BTD: variants seen among roughly 807,000 people sequenced by gnomAD.
BTD encodes the protein biotinidase, also known as biocytinase.
A neutral mutation model predicts 17.7 loss-of-function variants in BTD; 13 were observed. The observed-to-expected ratio is 0.74, with a 90% CI of 0.48 to 1.17. BTD has a LOEUF of 1.17. BTD is among the 50% of genes most tolerant of loss of function. The pLI, the probability that BTD is intolerant of heterozygous loss-of-function variation, is 0.00. For synonymous variants in BTD, 240 were observed against 245.2 expected, an observed-to-expected ratio of 0.98 and a Z score of 0.20; for missense variants, 674 against 650.4, an observed-to-expected ratio of 1.04 and a Z score of -0.39.
At chr3:15,717,838 A>C (rs988892627) in intron 4 of BTD, among the ~76,000 whole-genome samples, 5 of 152,214 alleles carry the variant, frequency 3.3e-5, no homozygotes, top group African/African-American at 4.8e-5. Flanking sequence ...ACCACTTTGC[A>C]GGAAAATGAA....
At chr3:15,630,605 A>G (rs1281628742) in intron 1 of BTD, among the ~76,000 whole-genome samples, 1 of 152,230 alleles carries the variant, frequency 6.6e-6, no homozygotes, top group Non-Finnish European at 1.5e-5. Flanking sequence ...TAGCCAATGG[A>G]GCAGAAACTG....
chr3:15,666,409 C>CCCT (rs35355185), intron 3 of BTD, among the ~76,000 whole-genome samples: 2 of 5,902 alleles, frequency 3.4e-4, no homozygotes, highest in Admixed American at 2.1e-3. Flanking sequence ...TCATCTCCCC[C>CCCT]TTTCCTCATC....
chr3:15,663,235 C>A (rs1325931081), intron 3 of BTD, among the ~76,000 whole-genome samples: 1 of 152,180 alleles, frequency 6.6e-6, no homozygotes, highest in East Asian at 1.9e-4. Flanking sequence ...CTCAGGTGAT[C>A]CGCCCGCCTC....
At chr3:15,720,856 T>C (rs373555708) in intron 4 of BTD, 116 of 1,462,790 alleles carry the variant, frequency 7.9e-5, no homozygotes, top group African/African-American at 3.8e-4. Flanking sequence ...GTATTCACCA[T>C]TGATGTTGTT....
At chr3:15,616,846 AT>A (rs1023758109) in intron 1 of BTD, among the ~76,000 whole-genome samples, 5 of 149,714 alleles carry the variant, frequency 3.3e-5, no homozygotes, top group African/African-American at 2.5e-5. Context: ...TTATTTATGT[AT>A]TTTTTTTTCG....
intron 3 of BTD, chr3:15,690,201 T>C: frequency 6.2e-7 from 1 of 1,603,202 alleles, no homozygotes; most frequent in Non-Finnish European, 8.5e-7. Flanking sequence ...TTCCAGTGCT[T>C]GATGGTGACC....
At chr3:15,718,562 T>A (rs2073340373) in intron 4 of BTD, among the ~76,000 whole-genome samples, 1 of 152,188 alleles carries the variant, frequency 6.6e-6, no homozygotes, top group Non-Finnish European at 1.5e-5. Flanking sequence ...GTCACCTAAG[T>A]AGACACTAAC....
At chr3:15,706,522 C>T (rs145960089) in intron 3 of BTD, among the ~76,000 whole-genome samples, 6,608 of 152,198 alleles carry the variant, frequency 0.043, 390 homozygotes, top group African/African-American at 0.14. Flanking sequence ...CAAGTCTTTG[C>T]TATTGTGAAT....
chr3:15,696,968 T>C (rs977400130), intron 3 of BTD, among the ~76,000 whole-genome samples: 3 of 152,182 alleles, frequency 2.0e-5, no homozygotes, highest in Non-Finnish European at 4.4e-5. Flanking sequence ...AGTCATTATT[T>C]GAAAAAGGCA....
chr3:15,644,236 A>G (rs2065623914), intron 3 of BTD, 80 bp from the exon 4 acceptor site: 5 of 1,446,854 alleles, frequency 3.5e-6, no homozygotes, highest in Non-Finnish European at 2.8e-6. Context: ...TCCTGACCTC[A>G]TGATCCACCC....
chr3:15,621,580 T>C (rs1382458298), intron 1 of BTD, among the ~76,000 whole-genome samples: 6 of 152,176 alleles, frequency 3.9e-5, no homozygotes, highest in Admixed American at 3.3e-4. Flanking sequence ...TTCTGTCTTT[T>C]AAGAAATTGG....
intron 3 of BTD, among the ~76,000 whole-genome samples, chr3:15,672,626 A>G (rs1375258464): frequency 6.6e-6 from 1 of 152,112 alleles, no homozygotes; most frequent in South Asian, 2.1e-4. Context: ...GGTTCTTCTA[A>G]AGGTGCCTGC....
At chr3:15,675,131 G>A (rs756426201) in intron 3 of BTD, among the ~76,000 whole-genome samples, 1 of 152,060 alleles carries the variant, frequency 6.6e-6, no homozygotes, top group African/African-American at 2.4e-5. Context: ...TTAGCCAGGC[G>A]TCGTGGCAGG....
At position 15,601,833 on chromosome 3, in the gene BTD, C is replaced by G. The variant is rs999882731; in HGVS notation, c.-78C>G. The G allele has an allele frequency of 1.9e-6, 3 of 1,614,152 alleles. No homozygotes were observed. In the Admixed American group the frequency reaches 5.0e-5, roughly 27 times the overall value. ...CCGAGTCGGCCAGCTGGAGCGTTTT[C>G]GGGGCTGTAAAGGGAGAATGGCGCA... is the stretch of plus-strand genomic sequence containing the variant. On this transcript the variant is annotated 5_prime_UTR_variant, in exon 1 of 4. Coordinates refer to ENST00000643237, the MANE Select transcript of BTD (RefSeq NM_001370658.1).
At chr3:15,641,167 C>T (rs1318588793) in intron 2 of BTD, among the ~76,000 whole-genome samples, 1 of 152,182 alleles carries the variant, frequency 6.6e-6, no homozygotes, top group Non-Finnish European at 1.5e-5. Context: ...CCAGGGAACA[C>T]AGGATGTTGC....
At chr3:15,662,532 C>G (rs1050645721) in intron 3 of BTD, among the ~76,000 whole-genome samples, 3 of 152,146 alleles carry the variant, frequency 2.0e-5, no homozygotes, top group African/African-American at 7.2e-5. Context: ...CATAAATGAT[C>G]ATGTCATTTG....
intron 3 of BTD, among the ~76,000 whole-genome samples, chr3:15,643,051 A>G (rs754350584): frequency 1.1e-4 from 7 of 65,784 alleles, no homozygotes; most frequent in Non-Finnish European, 2.1e-4. Flanking sequence ...AAAATAAAAT[A>G]AAATAAAGAA....
At chr3:15,602,276 A>G (rs2125315891) in intron 1 of BTD, 1 of 1,214,754 alleles carries the variant, frequency 8.2e-7, no homozygotes, top group Non-Finnish European at 1.0e-6. Flanking sequence ...CTATTCAGCC[A>G]TTGGGTCACA....
chr3:15,664,611 C>T (rs937029773), intron 3 of BTD, among the ~76,000 whole-genome samples: 2 of 152,098 alleles, frequency 1.3e-5, no homozygotes, highest in African/African-American at 4.8e-5. Context: ...TCTTATGAAG[C>T]AGCTAGTTTT....
Sources: gnomAD v4.1 joint callset for allele counts (sites outside exome capture counted in the v4.1 genomes callset) on GRCh38, gnomAD v4.1.1 for gene constraint, MANE v1.5 for transcripts, NCBI Gene and HGNC (gene_info 2026-07-23, HGNC 2026-07-21) for gene names.